Variants in GLRA2 observed in about 807,000 individuals in gnomAD.
GLRA2 encodes the protein glycine receptor subunit alpha-2.
In GLRA2, 11 loss-of-function variants were observed where a neutral mutation model predicts 31.6. The observed-to-expected ratio is 0.35, with a 90% CI of 0.22 to 0.58. The LOEUF is 0.58. Ranked by LOEUF, GLRA2 falls within the 20% of genes least tolerant of loss-of-function variation. The pLI is 0.84. For missense variants in GLRA2, 212 were observed against 351.8 expected (o/e 0.60, Z 3.18); for synonymous variants, 132 against 134.0 (o/e 0.99, Z 0.10).
At chrX:14,557,149 T>A (rs1307612752) in intron 2 of GLRA2, among the ~76,000 whole-genome samples, 1 of 84,845 alleles carries the variant, frequency 1.2e-5, no homozygotes, top group Non-Finnish European at 2.2e-5. Context: ...GGAGTCTCGC[T>A]CTGTCGCCCA....
At chrX:14,643,511 AAG>A (rs1422917877) in intron 7 of GLRA2, among the ~76,000 whole-genome samples, 2 of 111,844 alleles carry the variant, frequency 1.8e-5, no homozygotes, top group Admixed American at 1.9e-4. Context: ...TTTCACTAGA[AAG>A]AGACTCCAAT....
Position 14,690,516 on chromosome X carries a change from T to C in GLRA2, c.931-194T>C, listed in dbSNP as rs141451697. On this transcript the variant is annotated intron_variant, in intron 7 of 8. Transcript: ENST00000218075. ...CAGGGGCGTGTGACTTTCAGTGCTC[T>C]GCCCAGAATCTTCAAAGTAGAATCA... 8.6e-3 allele frequency among the ~76,000 whole-genome samples: 966 copies of C among 112,163 alleles called. 9 individuals are homozygous for C. The highest frequency in any genetic ancestry group is 0.029 in the African/African-American group (891 of 30,865).
chrX:14,579,416 G>A (rs1016751520), intron 3 of GLRA2, among the ~76,000 whole-genome samples: 2 of 109,977 alleles, frequency 1.8e-5, no homozygotes, highest in African/African-American at 6.6e-5. Flanking sequence ...CGCAACCTGC[G>A]CCTCCTGGGT....
intron 4 of GLRA2, among the ~76,000 whole-genome samples, chrX:14,588,429 C>T (rs1459429971): frequency 1.8e-5 from 2 of 111,145 alleles, no homozygotes; most frequent in Non-Finnish European, 3.8e-5. Context: ...TATTCTGTTC[C>T]ATTGGTCTAT....
chrX:14,703,640 A>C (rs1008660657), intron 8 of GLRA2, among the ~76,000 whole-genome samples: 2 of 111,408 alleles, frequency 1.8e-5, no homozygotes, highest in African/African-American at 6.5e-5. Flanking sequence ...TTCCACTGCA[A>C]CTCTGAGAGC....
At chrX:14,557,171 A>G (rs1207973426) in intron 2 of GLRA2, among the ~76,000 whole-genome samples, 1 of 78,193 alleles carries the variant, frequency 1.3e-5, no homozygotes, top group Non-Finnish European at 2.2e-5. Flanking sequence ...GCTGGAGTGC[A>G]GTGGCGCGAT....
At chrX:14,521,319 G>A in the GLRA2 span, among the ~76,000 whole-genome samples, 2 of 111,520 alleles carry the variant, frequency 1.8e-5, no homozygotes, top group Non-Finnish European at 3.8e-5. Flanking sequence ...CATAGGCTGG[G>A]GTCCTGGATA....
intron 7 of GLRA2, among the ~76,000 whole-genome samples, chrX:14,688,134 A>G (rs910614010): frequency 3.6e-5 from 4 of 111,502 alleles, no homozygotes; most frequent in Admixed American, 9.4e-5. Flanking sequence ...TGAACAGCCA[A>G]TGTTGCTGCC....
intron 7 of GLRA2, among the ~76,000 whole-genome samples, chrX:14,679,526 T>C (rs2091178136): frequency 1.8e-5 from 2 of 111,137 alleles, no homozygotes; most frequent in African/African-American, 6.6e-5. Context: ...CCCAAACCTA[T>C]CAGCTTGGCT....
chrX:14,631,717 C>T (rs980732472), intron 7 of GLRA2, among the ~76,000 whole-genome samples: 10 of 105,848 alleles, frequency 9.4e-5, no homozygotes, highest in Non-Finnish European at 1.7e-4. Context: ...TTCCCCTAGC[C>T]TCAGTTACTC....
At chrX:14,499,871 T>TA in the GLRA2 span, among the ~76,000 whole-genome samples, 147 of 111,419 alleles carry the variant, frequency 1.3e-3, no homozygotes, top group African/African-American at 4.5e-3. Flanking sequence ...GGATTTTTTT[T>TA]TAAAAAAATT....
the GLRA2 span, among the ~76,000 whole-genome samples, chrX:14,466,950 A>G: frequency 9.0e-6 from 1 of 111,649 alleles, no homozygotes; most frequent in Admixed American, 9.6e-5. Flanking sequence ...AAAGGGTTGC[A>G]TTTATTCCAT....
intron 2 of GLRA2, among the ~76,000 whole-genome samples, chrX:14,542,754 G>A (rs1463196459): frequency 3.6e-5 from 4 of 110,432 alleles, no homozygotes; most frequent in African/African-American, 1.3e-4. Flanking sequence ...TTGCCACAAA[G>A]AGTCTGTTCT....
the GLRA2 span, among the ~76,000 whole-genome samples, chrX:14,502,565 G>A: frequency 0.022 from 2,461 of 111,018 alleles, 69 homozygotes; most frequent in African/African-American, 0.076. Flanking sequence ...ATTTAATACC[G>A]AACCATTGCT....
At chrX:14,457,348 C>T in the GLRA2 span, among the ~76,000 whole-genome samples, 96 of 110,604 alleles carry the variant, frequency 8.7e-4, no homozygotes, top group Non-Finnish European at 1.4e-3. Context: ...TATCACTCCC[C>T]TAGCCCCCCA....
intron 7 of GLRA2, among the ~76,000 whole-genome samples, chrX:14,688,665 G>A (rs183338139): frequency 8.5e-4 from 94 of 111,219 alleles, no homozygotes; most frequent in African/African-American, 2.9e-3. Flanking sequence ...CAGTATTAGG[G>A]TGGGAGTGAC....
chrX:14,527,667 G>A (rs1409298743), upstream of GLRA2, among the ~76,000 whole-genome samples: 1 of 110,207 alleles, frequency 9.1e-6, no homozygotes, highest in Non-Finnish European at 1.9e-5. Context: ...TTTAAGCATC[G>A]TTACAACCTT....
intron 4 of GLRA2, among the ~76,000 whole-genome samples, chrX:14,602,419 TTTTTTTTTCAA>T (rs1440078394): frequency 9.2e-6 from 1 of 108,657 alleles, no homozygotes; most frequent in Non-Finnish European, 1.9e-5. Flanking sequence ...TTGTTTTTCC[TTTTTTTTTCAA>T]TTTTTTTATT....
the GLRA2 span, among the ~76,000 whole-genome samples, chrX:14,515,279 T>C: frequency 8.9e-6 from 1 of 112,072 alleles, no homozygotes; most frequent in South Asian, 3.6e-4. Flanking sequence ...AAAATCTATT[T>C]CCAACTGATC....
Sources: gnomAD v4.1 joint callset for allele counts (sites outside exome capture counted in the v4.1 genomes callset) on GRCh38, gnomAD v4.1.1 for gene constraint, MANE v1.5 for transcripts, NCBI Gene and HGNC (gene_info 2026-07-23, HGNC 2026-07-21) for gene names.